IL1RAPL1: variants seen among roughly 807,000 people sequenced by gnomAD.
IL1RAPL1 encodes the protein interleukin-1 receptor accessory protein-like 1.
In IL1RAPL1, 3 loss-of-function variants were observed where a neutral mutation model predicts 48.4. That is an observed-to-expected ratio of 0.06 (90% CI 0.03 to 0.16). The LOEUF is 0.16. Ranked by LOEUF, IL1RAPL1 falls within the 10% of genes least tolerant of loss-of-function variation. IL1RAPL1 has a pLI of 1.00. For missense variants in IL1RAPL1, 349 were observed against 530.6 expected (o/e 0.66, Z 3.36); for synonymous variants, 185 against 187.7 (o/e 0.99, Z 0.12).
intron 1 of IL1RAPL1, among the ~76,000 whole-genome samples, chrX:28,645,055 A>G (rs1408134779): frequency 9.0e-6 from 1 of 110,531 alleles, no homozygotes; most frequent in African/African-American, 3.3e-5. Context: ...AGTATGGATA[A>G]AAGGGAGAGG....
rs774983487 is a variant in IL1RAPL1, at chrX:29,512,087, C to T, written c.703+112779C>T. 1.3e-3 allele frequency among the ~76,000 whole-genome samples: 112 copies of T among 83,363 alleles called. 1 individual carries two copies. Among genetic ancestry groups the T allele is most frequent in the African/African-American group, 4.1e-3 (102 of 25,073 alleles). 72.4% of individuals were successfully genotyped at this position (83,363 alleles called of 115,157 possible). A position where few individuals can be genotyped will look rare whatever the true frequency, so the allele number is the denominator to read the frequency against. ...CAGGCATGTTCAAATTGTTAGTTAT[C>T]TTTATTATATATATATATAATCTCT... On this transcript the variant is annotated intron_variant, in intron 5 of 10. Coordinates refer to ENST00000378993, the MANE Select transcript of IL1RAPL1 (RefSeq NM_014271.4).
At chrX:29,425,584 A>C (rs2147707848) in intron 5 of IL1RAPL1, among the ~76,000 whole-genome samples, 1 of 111,002 alleles carries the variant, frequency 9.0e-6, no homozygotes, top group East Asian at 2.8e-4. Flanking sequence ...AAAAAAAAGT[A>C]TTATTATTAT....
At chrX:29,845,564 A>T (rs936005823) in intron 6 of IL1RAPL1, among the ~76,000 whole-genome samples, 1 of 111,944 alleles carries the variant, frequency 8.9e-6, no homozygotes, top group South Asian at 3.7e-4. Context: ...ATGAAGGTTG[A>T]ATTCTGGTGA....
chrX:29,243,446 C>T (rs933902214), intron 2 of IL1RAPL1, among the ~76,000 whole-genome samples: 27 of 111,599 alleles, frequency 2.4e-4, no homozygotes, highest in African/African-American at 7.8e-4. Flanking sequence ...TGGGTTGTGC[C>T]GTGTTGTGGC....
chrX:29,048,522 A>C (rs1197560315), intron 2 of IL1RAPL1, among the ~76,000 whole-genome samples: 1 of 111,631 alleles, frequency 9.0e-6, no homozygotes, highest in Non-Finnish European at 1.9e-5. Flanking sequence ...TTTACTATCA[A>C]CCTACTTAGT....
chrX:28,726,371 C>A (rs1363085684), intron 1 of IL1RAPL1, among the ~76,000 whole-genome samples: 1 of 112,262 alleles, frequency 8.9e-6, no homozygotes, highest in East Asian at 2.8e-4. Flanking sequence ...TTATTAACAA[C>A]ATTGCACGCA....
At chrX:29,333,463 C>A (rs1932915866) in intron 3 of IL1RAPL1, among the ~76,000 whole-genome samples, 1 of 89,064 alleles carries the variant, frequency 1.1e-5, no homozygotes, top group East Asian at 3.6e-4. Context: ...GGGCTCCTCA[C>A]TTCCCAGTAG....
chrX:29,437,729 T>A (rs1385541701), intron 5 of IL1RAPL1, among the ~76,000 whole-genome samples: 1 of 110,757 alleles, frequency 9.0e-6, no homozygotes, highest in Non-Finnish European at 1.9e-5. Flanking sequence ...TTACACTAAT[T>A]TTCAATTATT....
In IL1RAPL1 at chrX:29,954,587, A is replaced by G; in HGVS notation, c.1267A>G (p.Thr423Ala). 8.3e-7 allele frequency: 1 copy of G among 1,203,915 alleles called. No individual in the cohort carries two copies. Among genetic ancestry groups the G allele is most frequent in the African/African-American group, 1.7e-5 (1 of 57,716 alleles). Residue 423 changes from threonine to alanine, a missense_variant, in exon 10 of 11, where the codon ACT (threonine) becomes GCT (alanine). By Grantham distance (58) the Thr-to-Ala change is moderately conservative (BLOSUM62 0). Transcript: ENST00000378993. ...KVDPDQWNQE[T>A]GEEERFALEI... ...GGATCCTGACCAGTGGAATCAAGAG[A>G]CTGGGGAAGAAGAACGTTTTGCCCT...
At chrX:29,043,503 T>C (rs959595042) in intron 2 of IL1RAPL1, among the ~76,000 whole-genome samples, 2 of 111,284 alleles carry the variant, frequency 1.8e-5, no homozygotes, top group Non-Finnish European at 3.8e-5. Context: ...CACTGTCTAA[T>C]AAAGGGTCTA....
chrX:28,940,467 G>T (rs66883571), intron 2 of IL1RAPL1, among the ~76,000 whole-genome samples: 4,698 of 110,454 alleles, frequency 0.043, 107 homozygotes, highest in East Asian at 0.069. Context: ...TTTCAGAAGC[G>T]TTCCTTTGCT....
chrX:28,741,927 T>C (rs1935911930), intron 1 of IL1RAPL1, among the ~76,000 whole-genome samples: 1 of 111,996 alleles, frequency 8.9e-6, no homozygotes, highest in Non-Finnish European at 1.9e-5. Flanking sequence ...TGAATTTATA[T>C]TTTTACTTCT....
intron 5 of IL1RAPL1, among the ~76,000 whole-genome samples, chrX:29,631,858 A>G (rs752378762): frequency 1.0e-3 from 115 of 111,708 alleles, no homozygotes; most frequent in Admixed American, 2.9e-3. Flanking sequence ...ACACAACCAC[A>G]AAACTCTATT....
chrX:29,568,898 T>A (rs1238820053), intron 5 of IL1RAPL1, among the ~76,000 whole-genome samples: 1 of 111,158 alleles, frequency 9.0e-6, no homozygotes, highest in Non-Finnish European at 1.9e-5. Flanking sequence ...TCCAGCCCAG[T>A]GTCACTTGAT....
chrX:29,941,541 G>A lies in IL1RAPL1; in HGVS notation c.1058-110G>A, dbSNP rs922528790. The A allele has an allele frequency of 9.8e-6, 8 of 816,352 alleles. No individual in the cohort carries two copies. In the South Asian group the frequency reaches 1.0e-4, roughly 11 times the overall value. The allele number at this position is 816,352 out of a possible 1,213,427, so 67.3% of individuals were successfully genotyped here. On this transcript the variant is annotated intron_variant, in intron 8 of 10. Coordinates refer to ENST00000378993, the MANE Select transcript of IL1RAPL1 (RefSeq NM_014271.4). Reference sequence around the variant, plus strand: ...AAAAGGAAAGGGGTTGTGTCAACCCGTTAACCCACATCTGATCTCATCCAG... The same window carrying A: ...AAAAGGAAAGGGGTTGTGTCAACCCATTAACCCACATCTGATCTCATCCAG...
chrX:29,186,607 A>G (rs1273930687), intron 2 of IL1RAPL1, among the ~76,000 whole-genome samples: 1 of 111,405 alleles, frequency 9.0e-6, no homozygotes, highest in African/African-American at 3.3e-5. Context: ...CCACGGTTGC[A>G]GGAAAAAGAA....
chrX:29,086,521 C>A (rs1036611415), intron 2 of IL1RAPL1, among the ~76,000 whole-genome samples: 2 of 111,827 alleles, frequency 1.8e-5, no homozygotes, highest in African/African-American at 6.5e-5. Context: ...TCACTTCTTC[C>A]TTTCTTTTCT....
At chrX:29,274,474 A>ATC (rs1932089108) in intron 2 of IL1RAPL1, among the ~76,000 whole-genome samples, 1 of 112,297 alleles carries the variant, frequency 8.9e-6, no homozygotes, top group African/African-American at 3.2e-5. Context: ...TTCCTCTACA[A>ATC]TCTCTGTAAG....
At chrX:29,260,951 G>C (rs970987308) in intron 2 of IL1RAPL1, among the ~76,000 whole-genome samples, 1 of 103,699 alleles carries the variant, frequency 9.6e-6, no homozygotes, top group African/African-American at 3.5e-5. Flanking sequence ...ATAACTGAAC[G>C]AATAAAATAA....
Sources: allele counts gnomAD v4.1 joint callset (sites outside exome capture counted in the v4.1 genomes callset), GRCh38; gene constraint gnomAD v4.1.1; transcripts MANE v1.5; gene names NCBI Gene and HGNC (gene_info 2026-07-23, HGNC 2026-07-21).